LSP1: variants seen among roughly 807,000 people sequenced by gnomAD.
LSP1 encodes lymphocyte specific protein 1.
Under a neutral mutation model 49.3 loss-of-function variants are expected in LSP1, and 32 were observed. The ratio of observed to expected loss-of-function variants is 0.65; its 90% CI spans 0.49 to 0.87. The LOEUF (loss-of-function observed/expected upper bound fraction) is 0.87, where lower values mean the gene tolerates loss of function less well. Among genes scored for constraint, LSP1 ranks in the 40% least tolerant of loss-of-function variants. The pLI is 0.00. For missense variants in LSP1, 428 were observed against 442.6 expected (o/e 0.97, Z 0.30); for synonymous variants, 179 against 178.8 (o/e 1.00, Z -0.01).
intron 1 of LSP1, chr11:1,866,324 C>A (rs1565073985): frequency 4.7e-5 from 32 of 683,168 alleles, no homozygotes; most frequent in Non-Finnish European, 4.9e-5. Flanking sequence ...ACTGCCCACC[C>A]AGGCCAGGCA....
rs376328301 is a variant in LSP1, at chr11:1,884,502, A to G, written c.638A>G (p.Asn213Ser). 11 of 1,613,430 alleles carry G rather than the reference A, an allele frequency of 6.8e-6. No homozygotes were observed. Among genetic ancestry groups the G allele is most frequent in the East Asian group, 2.2e-5 (1 of 44,888 alleles). ...ESLNRSIEKSNSVKKSQPDLP... is the reference protein window; with the variant it reads ...ESLNRSIEKSSSVKKSQPDLP... Reference sequence around the variant, plus strand: ...CTGACACATCTTCTACCCTCCAGTAACAGTGTGAAGAAATCCCAGCCAGAC... The same window carrying G: ...CTGACACATCTTCTACCCTCCAGTAGCAGTGTGAAGAAATCCCAGCCAGAC... The change falls in exon 7 of 11, where the codon AAC becomes AGC. Residue 213 changes from asparagine (N) to serine (S), a missense_variant and splice_region_variant. By Grantham distance (46) the Asn-to-Ser change is conservative. Transcript: ENST00000311604. This position sits in a 1 kb window ranked among gnomAD's most constrained non-coding sequence, Gnocchi z 4.1.
chr11:1,866,688 G>A (rs1044635385), intron 1 of LSP1: 2 of 1,550,414 alleles, frequency 1.3e-6, no homozygotes, highest in Non-Finnish European at 1.7e-6. Context: ...CCCAGGGGAC[G>A]CTGCTGTCCA....
chr11:1,874,471 G>A (rs892787701), intron 1 of LSP1, among the ~76,000 whole-genome samples: 1 of 152,164 alleles, frequency 6.6e-6, no homozygotes, highest in African/African-American at 2.4e-5. Flanking sequence ...TGAGACTCAG[G>A]GCTGTTCAGG....
At chr11:1,875,051 T>G (rs1430008753) in intron 1 of LSP1, among the ~76,000 whole-genome samples, 1 of 152,134 alleles carries the variant, frequency 6.6e-6, no homozygotes, top group African/African-American at 2.4e-5. Flanking sequence ...GCGGCCTCCC[T>G]GGGCTGACCC....
At position 1,889,004 on chromosome 11, in the gene LSP1, C is replaced by T. The variant is rs923847604; in HGVS notation, c.*13+1428C>T. ...CAGACTTCCCTCAGCACCCCATGTG[C>T]CCTTCCCAGGCTGCCCTGCACCCCA... On this transcript the variant is annotated intron_variant, in intron 10 of 10. Coordinates refer to ENST00000311604, the MANE Select transcript of LSP1 (RefSeq NM_002339.3). The T allele has an allele frequency of 5.4e-6, 3 of 553,972 alleles. No homozygotes were observed. In the Admixed American group the frequency reaches 1.0e-4, roughly 19 times the overall value. 34.3% of individuals were successfully genotyped at this position (553,972 alleles called of 1,614,324 possible).
rs954282718 is a variant in LSP1, at chr11:1,866,380, G to A, written c.53+13183G>A. 7.8e-6 allele frequency: 9 copies of A among 1,151,992 alleles called. No homozygotes were observed. The South Asian group carries it at 1.0e-4, about 13-fold the overall frequency. 71.4% of individuals were successfully genotyped at this position (1,151,992 alleles called of 1,614,324 possible). A position where few individuals can be genotyped will look rare whatever the true frequency, so the allele number is the denominator to read the frequency against. On this transcript the variant is annotated intron_variant, in intron 1 of 10. Transcript: ENST00000311604. ...AGGCCAGAGAGCCAGGGATGCCCAT[G>A]GGGGTGAGCTAAGTGGGGTCTGAGG...
chr11:1,883,911 T>A (rs1286662286), intron 4 of LSP1, 21 bp from the exon 5 acceptor site: 7 of 1,583,000 alleles, frequency 4.4e-6, no homozygotes, highest in African/African-American at 1.4e-5. Context: ...TCACTTGGGA[T>A]GTCTGTTTTT....
Position 1,884,605 on chromosome 11 carries a change from G to T in LSP1, c.717+24G>T. 6.2e-7 allele frequency: 1 copy of T among 1,600,470 alleles called. No homozygotes were observed. Among genetic ancestry groups the T allele is most frequent in the South Asian group, 1.1e-5 (1 of 90,764 alleles). On this transcript the variant is annotated intron_variant, in intron 7 of 10. Transcript: ENST00000311604. The surrounding 1 kb of genome is among the most constrained non-coding windows in gnomAD (Gnocchi z 4.1). ...AGGTATGACCTGGCTCCCCTCTGCT[G>T]TCAGGTCCCTCCTGCATCCTGGCAC...
At chr11:1,871,061 G>A (rs1229218144) in intron 1 of LSP1, 3 of 985,476 alleles carry the variant, frequency 3.0e-6, no homozygotes, top group East Asian at 1.1e-4. Flanking sequence ...TGAGAGCTGC[G>A]GCGGAGGACG....
At chr11:1,860,448 A>T (rs761276388) in intron 1 of LSP1, among the ~76,000 whole-genome samples, 1 of 152,204 alleles carries the variant, frequency 6.6e-6, no homozygotes, top group Admixed American at 6.5e-5. Context: ...CTCATGCATA[A>T]ATAGAAAGAA....
rs372884030 is a variant in LSP1, at chr11:1,880,189, C to A, written c.156C>A (p.Gly52=). Residue 52 remains glycine, a synonymous_variant, in exon 2 of 11, where the codon GGC becomes GGA. Transcript: ENST00000311604. ...RQLQAQDEEG[G]GHVPERPKQE... is the part of the protein sequence containing the mutation. ...TTCAGGCCCAGGACGAGGAGGGAGG[C>A]GGCCATGTCCCCGAGCGGCCGAAGC... is the stretch of plus-strand genomic sequence containing the variant. 3 of 1,601,882 alleles carry A rather than the reference C, an allele frequency of 1.9e-6. No homozygotes were observed. Among genetic ancestry groups the A allele is most frequent in the East Asian group, 2.3e-5 (1 of 43,994 alleles).
intron 1 of LSP1, among the ~76,000 whole-genome samples, chr11:1,871,671 C>T (rs926117212): frequency 2.0e-5 from 3 of 152,228 alleles, no homozygotes; most frequent in African/African-American, 7.2e-5. Flanking sequence ...TGCACGGGCA[C>T]CCCTCCTGTT....
At chr11:1,883,841 G>A in intron 4 of LSP1, 91 bp from the exon 5 acceptor site, 4 of 1,249,684 alleles carry the variant, frequency 3.2e-6, no homozygotes, top group Non-Finnish European at 4.5e-6. Flanking sequence ...TGGGGCTCAG[G>A]AAGGAACAGC....
chr11:1,890,360 G>A, intron 10 of LSP1: 2 of 716,498 alleles, frequency 2.8e-6, no homozygotes, highest in Admixed American at 2.0e-5. Flanking sequence ...TGACCTCCTG[G>A]TCATGGCTGG....
chr11:1,874,007 C>G (rs1275905921), intron 1 of LSP1, among the ~76,000 whole-genome samples: 107 of 56,926 alleles, frequency 1.9e-3, no homozygotes, highest in African/African-American at 3.3e-3. Context: ...GCTGGCAGAG[C>G]AGGGAGGCCG....
intron 1 of LSP1, among the ~76,000 whole-genome samples, chr11:1,860,877 A>G (rs369724491): frequency 7.2e-5 from 11 of 152,274 alleles, no homozygotes; most frequent in Middle Eastern, 3.4e-3. Context: ...TGGCTGGAAT[A>G]TGGACATATA....
chr11:1,883,863 C>G, intron 4 of LSP1, 69 bp from the exon 5 acceptor site: 3 of 1,395,498 alleles, frequency 2.1e-6, no homozygotes, highest in Non-Finnish European at 2.9e-6. Flanking sequence ...TTTGTTCCCA[C>G]AGGTGCTGGG....
chr11:1,855,119 C>T (rs1307835713), intron 1 of LSP1, among the ~76,000 whole-genome samples: 1 of 152,170 alleles, frequency 6.6e-6, no homozygotes, highest in Non-Finnish European at 1.5e-5. Flanking sequence ...CCTGCCCCCG[C>T]GAATTGCATG....
chr11:1,876,699 G>A (rs1848324531), intron 1 of LSP1: 1 of 932,572 alleles, frequency 1.1e-6, no homozygotes, highest in Non-Finnish European at 1.3e-6. Context: ...CCCTCAGCGG[G>A]GACTGGGAGG....
Sources: allele counts gnomAD v4.1 joint callset (sites outside exome capture counted in the v4.1 genomes callset), GRCh38; gene constraint gnomAD v4.1.1; non-coding constraint Gnocchi (gnomAD v3.1); transcripts MANE v1.5; gene names NCBI Gene and HGNC (gene_info 2026-07-23, HGNC 2026-07-21).